Variants in ACYP2 observed in about 807,000 individuals in gnomAD.
The protein encoded by ACYP2 is acylphosphatase-2.
Under a neutral mutation model 11.2 loss-of-function variants are expected in ACYP2, and 12 were observed. The ratio of observed to expected loss-of-function variants is 1.08; its 90% CI spans 0.69 to 1.74. The LOEUF (loss-of-function observed/expected upper bound fraction) is 1.74, where lower values mean the gene tolerates loss of function less well. Ranked by LOEUF, ACYP2 falls within the 40% of genes most tolerant of loss-of-function variation. The probability of loss-of-function intolerance (pLI) is 0.00; values close to 1 mark genes in which losing one functional copy is unlikely to be tolerated. For missense variants in ACYP2, 134 were observed against 101.9 expected (o/e 1.31, Z -1.35); for synonymous variants, 43 against 32.2 (o/e 1.33, Z -1.13).
chr2:54,096,505 G>A (rs1173675430), intron 4 of ACYP2, among the ~76,000 whole-genome samples: 1 of 152,064 alleles, frequency 6.6e-6, no homozygotes, highest in Non-Finnish European at 1.5e-5. Context: ...AGGTTGTAGC[G>A]AGCCAAGATC....
intron 6 of ACYP2, among the ~76,000 whole-genome samples, chr2:54,150,868 A>C (rs1572859290): frequency 6.6e-6 from 1 of 151,166 alleles, no homozygotes; most frequent in African/African-American, 2.4e-5. Flanking sequence ...CAGCCTCCCG[A>C]GTAGCTGGGA....
At chr2:53,996,188 G>C (rs1359855111) in intron 2 of ACYP2, among the ~76,000 whole-genome samples, 2 of 152,210 alleles carry the variant, frequency 1.3e-5, no homozygotes, top group East Asian at 3.9e-4. Context: ...TCTAGGCATA[G>C]TTGGTTCTAA....
intron 2 of ACYP2, among the ~76,000 whole-genome samples, chr2:54,000,810 C>T (rs1427665086): frequency 2.6e-5 from 4 of 152,156 alleles, no homozygotes; most frequent in South Asian, 2.1e-4. Context: ...GGCCAAACCA[C>T]GTCATATGGT....
At chr2:54,197,217 A>G (rs1409530645) in intron 6 of ACYP2, among the ~76,000 whole-genome samples, 2 of 152,282 alleles carry the variant, frequency 1.3e-5, no homozygotes, top group African/African-American at 2.4e-5. Context: ...AAGCTAATAC[A>G]GGAGTTGATG....
intron 2 of ACYP2, chr2:54,030,570 G>A (rs1377616007): frequency 6.5e-6 from 1 of 155,004 alleles, no homozygotes; most frequent in African/African-American, 2.4e-5. Flanking sequence ...GTCAGGGAGA[G>A]TTGGCCTGCC....
chr2:54,098,404 T>C (rs1002748813), intron 4 of ACYP2, among the ~76,000 whole-genome samples: 2 of 152,140 alleles, frequency 1.3e-5, no homozygotes, highest in Non-Finnish European at 2.9e-5. Context: ...TGTCCTTTTT[T>C]CTATAACTCA....
intron 6 of ACYP2, among the ~76,000 whole-genome samples, chr2:54,178,664 G>A (rs1683577260): frequency 6.6e-6 from 1 of 152,138 alleles, no homozygotes; most frequent in Non-Finnish European, 1.5e-5. Context: ...TATCCCTTGT[G>A]TACTTGTAAT....
rs538232987 is a variant in ACYP2, at chr2:54,077,122, T to TTTG, written c.277+19775_277+19777dup. 2.8e-3 allele frequency among the ~76,000 whole-genome samples: 424 copies of TTTG among 152,360 alleles called. 3 individuals are homozygous for TTTG. Among genetic ancestry groups the TTTG allele is most frequent in the African/African-American group, 9.5e-3 (396 of 41,586 alleles). ...TGCATTTAGATTCTCTATCTTGGTT[T>TTTG]TTGTTGTTGTTGTTGAAATGTAAGA... On this transcript the variant is annotated intron_variant, in intron 4 of 6. Transcript: ENST00000607452.
At chr2:54,287,116 C>T (rs373382241) in intron 6 of ACYP2, among the ~76,000 whole-genome samples, 53 of 151,852 alleles carry the variant, frequency 3.5e-4, no homozygotes, top group Admixed American at 1.2e-3. Flanking sequence ...AACTTATTTC[C>T]CACAGTTCTG....
At chr2:54,134,719 A>C (rs1443429009) in intron 4 of ACYP2, among the ~76,000 whole-genome samples, 1 of 152,206 alleles carries the variant, frequency 6.6e-6, no homozygotes, top group African/African-American at 2.4e-5. Flanking sequence ...TATTTATTTC[A>C]TTTACTTACC....
intron 6 of ACYP2, among the ~76,000 whole-genome samples, chr2:54,168,205 A>C (rs1189992480): frequency 1.3e-5 from 2 of 152,132 alleles, no homozygotes; most frequent in African/African-American, 4.8e-5. Context: ...TGAGCAGATC[A>C]CTTGAGGTCA....
At chr2:54,093,851 A>G (rs1022396942) in intron 4 of ACYP2, among the ~76,000 whole-genome samples, 1 of 152,138 alleles carries the variant, frequency 6.6e-6, no homozygotes, top group Admixed American at 6.5e-5. Context: ...GAGGCAGGAG[A>G]ATGACATGAA....
chr2:54,162,825 A>C (rs539819344), intron 6 of ACYP2, among the ~76,000 whole-genome samples: 5 of 152,152 alleles, frequency 3.3e-5, no homozygotes, highest in Admixed American at 3.3e-4. Flanking sequence ...CAACAACAAC[A>C]AAAAATCAGA....
chr2:54,107,582 T>C (rs1192524075), intron 4 of ACYP2, among the ~76,000 whole-genome samples: 1 of 152,222 alleles, frequency 6.6e-6, no homozygotes, highest in Non-Finnish European at 1.5e-5. Flanking sequence ...TCCAGACAGT[T>C]TAAACAGAAA....
intron 2 of ACYP2, among the ~76,000 whole-genome samples, chr2:53,981,901 A>C (rs532932701): frequency 6.6e-6 from 1 of 152,344 alleles, no homozygotes; most frequent in East Asian, 1.9e-4. Flanking sequence ...GTATTTATTT[A>C]ATGATAAAAA....
chr2:54,221,086 T>C (rs767993396), intron 6 of ACYP2, among the ~76,000 whole-genome samples: 2 of 152,158 alleles, frequency 1.3e-5, no homozygotes, highest in African/African-American at 2.4e-5. Flanking sequence ...TGGTCATTTG[T>C]TATGAGAAGA....
At chr2:54,259,555 G>C (rs1443203970) in intron 6 of ACYP2, among the ~76,000 whole-genome samples, 1 of 151,442 alleles carries the variant, frequency 6.6e-6, no homozygotes, top group East Asian at 1.9e-4. Flanking sequence ...TGTGTCACAG[G>C]GTGCTCACAT....
intron 6 of ACYP2, among the ~76,000 whole-genome samples, chr2:54,158,418 C>T (rs1682539721): frequency 6.6e-6 from 1 of 151,958 alleles, no homozygotes; most frequent in Admixed American, 6.6e-5. Flanking sequence ...GTTGCCCAGC[C>T]TGTTGTCGAA....
At chr2:54,213,558 C>A (rs1685421606) in intron 6 of ACYP2, among the ~76,000 whole-genome samples, 1 of 152,104 alleles carries the variant, frequency 6.6e-6, no homozygotes, top group African/African-American at 2.4e-5. Context: ...ATAAGCATTC[C>A]CTTTTCTCTG....
Sources: allele counts gnomAD v4.1 joint callset (sites outside exome capture counted in the v4.1 genomes callset), GRCh38; gene constraint gnomAD v4.1.1; transcripts MANE v1.5; gene names NCBI Gene and HGNC (gene_info 2026-07-23, HGNC 2026-07-21).